Variants in BICC1 observed in about 807,000 individuals in gnomAD.
BICC1 encodes the protein protein bicaudal C homolog 1.
A neutral mutation model predicts 111.0 loss-of-function variants in BICC1; 43 were observed. The ratio of observed to expected loss-of-function variants is 0.39; its 90% CI spans 0.30 to 0.50. The LOEUF (loss-of-function observed/expected upper bound fraction) is 0.50, where lower values mean the gene tolerates loss of function less well. Ranked by LOEUF, BICC1 falls within the 20% of genes least tolerant of loss-of-function variation. The pLI is 0.88. For missense variants in BICC1, 1,091 were observed against 1,203.2 expected (o/e 0.91, Z 1.38); for synonymous variants, 467 against 434.4 (o/e 1.07, Z -0.93).
At chr10:58,699,338 G>C (rs1183228722) in intron 2 of BICC1, among the ~76,000 whole-genome samples, 1 of 152,198 alleles carries the variant, frequency 6.6e-6, no homozygotes, top group African/African-American at 2.4e-5. Flanking sequence ...GGCTTAGAGG[G>C]AGTGTGTATA....
intron 12 of BICC1, among the ~76,000 whole-genome samples, chr10:58,799,577 T>C (rs1843471609): frequency 6.6e-6 from 1 of 152,174 alleles, no homozygotes; most frequent in African/African-American, 2.4e-5. Context: ...TAGCCAGTTT[T>C]CCCAGCGCCA....
intron 1 of BICC1, among the ~76,000 whole-genome samples, chr10:58,601,140 T>TTATATATATATATATATATATATA (rs71033690): frequency 4.0e-5 from 4 of 100,668 alleles, no homozygotes; most frequent in Non-Finnish European, 7.9e-5. Context: ...ATTTTAAAAC[T>TTATATATATATATATATATATATA]TATATATATA....
chr10:58,645,406 CAAAAAAAAAAAAAAA>C (rs57417702), intron 2 of BICC1, among the ~76,000 whole-genome samples: 1 of 73,336 alleles, frequency 1.4e-5, no homozygotes, highest in Admixed American at 2.0e-4. Context: ...GACTCCATCT[CAAAAAAAAAAAAAAA>C]AAAAAAAAAA....
At chr10:58,642,264 G>T (rs1267378307) in intron 2 of BICC1, among the ~76,000 whole-genome samples, 1 of 152,146 alleles carries the variant, frequency 6.6e-6, no homozygotes, top group Non-Finnish European at 1.5e-5. Flanking sequence ...AGCTACTCAT[G>T]GTGGCTTCTT....
intron 20 of BICC1, chr10:58,823,614 G>A (rs1045937555): frequency 2.0e-6 from 2 of 985,250 alleles, no homozygotes; most frequent in Non-Finnish European, 2.4e-6. Flanking sequence ...TGGCCCAGTT[G>A]TTGTCATGTG....
At chr10:58,606,612 C>T (rs978213618) in intron 1 of BICC1, among the ~76,000 whole-genome samples, 4 of 152,076 alleles carry the variant, frequency 2.6e-5, no homozygotes, top group African/African-American at 9.7e-5. Context: ...AAGCTTTACT[C>T]TCTTGTCATA....
intron 2 of BICC1, among the ~76,000 whole-genome samples, chr10:58,633,108 T>C (rs7075992): frequency 0.99 from 151,425 of 152,254 alleles, 75,305 homozygotes; most frequent in Middle Eastern, 1. Flanking sequence ...ATGTTTCCCC[T>C]ATACTTTTCT....
intron 1 of BICC1, among the ~76,000 whole-genome samples, chr10:58,586,618 CA>C (rs5785327): frequency 0.77 from 102,924 of 133,288 alleles, 38,650 homozygotes; most frequent in East Asian, 0.88. Context: ...CACTCTCTCT[CA>C]AAAAAAAAAA....
intron 1 of BICC1, among the ~76,000 whole-genome samples, chr10:58,562,057 T>G (rs868091090): frequency 6.6e-6 from 1 of 152,140 alleles, no homozygotes; most frequent in Non-Finnish European, 1.5e-5. Context: ...CTCTCTTTGT[T>G]TTTGACTTTT....
chr10:58,786,665 T>G (rs369384257), intron 4 of BICC1, among the ~76,000 whole-genome samples: 6 of 152,324 alleles, frequency 3.9e-5, no homozygotes, highest in East Asian at 1.9e-4. Flanking sequence ...TAAAGACTTC[T>G]TTCCAAAAAA....
Position 58,644,194 on chromosome 10 carries a change from G to C in BICC1, c.237+23293G>C, listed in dbSNP as rs953964358. ...ACAACACATAGCTACTCTTTCCCAAGTACCTATAATGTTTTAAGCATCATA... is the reference window on the plus strand; with the variant it reads ...ACAACACATAGCTACTCTTTCCCAACTACCTATAATGTTTTAAGCATCATA... On this transcript the variant is annotated intron_variant, in intron 2 of 20. Transcript: ENST00000373886. Among the ~76,000 whole-genome samples the C allele has an allele frequency of 2.6e-5, 4 of 152,188 alleles. No homozygotes were observed. In the East Asian group the frequency reaches 7.7e-4, roughly 29 times the overall value.
intron 1 of BICC1, among the ~76,000 whole-genome samples, chr10:58,540,223 A>G (rs1368098091): frequency 6.6e-6 from 1 of 151,878 alleles, no homozygotes; most frequent in Non-Finnish European, 1.5e-5. Flanking sequence ...AAGGAAGAAC[A>G]AGCTAAACCC....
intron 3 of BICC1, among the ~76,000 whole-genome samples, chr10:58,718,763 T>C (rs1352424791): frequency 1.3e-5 from 2 of 149,648 alleles, no homozygotes; most frequent in African/African-American, 2.5e-5. Context: ...TGTGTGTGTG[T>C]GTGCGCGCGC....
In BICC1 at chr10:58,744,801, A is replaced by C. The variant is rs1237252960; in HGVS notation, c.308-40200A>C. ...GTTCAAGGAAAAGGATGGATACAGG[A>C]GGTCATTGTGAAGATACTGGGTAAT... On this transcript the variant is annotated intron_variant, in intron 3 of 20. Transcript: ENST00000373886. 3.3e-5 allele frequency among the ~76,000 whole-genome samples: 5 copies of C among 152,104 alleles called. No individual in the cohort carries two copies. In the East Asian group the frequency reaches 7.7e-4, roughly 23 times the overall value.
rs571274111 is a variant in BICC1 at position 58,607,054 on chromosome 10, C to T, written c.191-13801C>T. 5.3e-5 allele frequency among the ~76,000 whole-genome samples: 8 copies of T among 152,196 alleles called. No homozygotes were observed. The South Asian group carries it at 8.3e-4, about 16-fold the overall frequency. Reference sequence around the variant, plus strand: ...ACTGTCGGCCTGGCGCGGTGTCTCACGCCTGTAATTCCAGCACTTTGGGAG... The same window carrying T: ...ACTGTCGGCCTGGCGCGGTGTCTCATGCCTGTAATTCCAGCACTTTGGGAG... On this transcript the variant is annotated intron_variant, in intron 1 of 20. Transcript: ENST00000373886.
At chr10:58,514,278 T>C (rs908116490) in intron 1 of BICC1, among the ~76,000 whole-genome samples, 1 of 152,242 alleles carries the variant, frequency 6.6e-6, no homozygotes, top group Non-Finnish European at 1.5e-5. Context: ...ATGACTGTTA[T>C]TCTTAAAATA....
intron 3 of BICC1, among the ~76,000 whole-genome samples, chr10:58,783,105 C>T (rs867225735): frequency 2.0e-5 from 3 of 152,180 alleles, no homozygotes; most frequent in South Asian, 4.1e-4. Flanking sequence ...GACCTTTGAC[C>T]TTCACAGTGT....
intron 3 of BICC1, among the ~76,000 whole-genome samples, chr10:58,730,785 G>A (rs1472008289): frequency 6.6e-6 from 1 of 152,108 alleles, no homozygotes; most frequent in Non-Finnish European, 1.5e-5. Flanking sequence ...TTTTGAGTCA[G>A]GGCTGCAGCT....
intron 2 of BICC1, among the ~76,000 whole-genome samples, chr10:58,644,002 A>T (rs1480260182): frequency 2.0e-5 from 3 of 152,156 alleles, no homozygotes; most frequent in Admixed American, 6.5e-5. Flanking sequence ...TTGTGTGCTA[A>T]TATGACTTAA....
Sources: allele counts gnomAD v4.1 joint callset (sites outside exome capture counted in the v4.1 genomes callset), GRCh38; gene constraint gnomAD v4.1.1; transcripts MANE v1.5; gene names NCBI Gene and HGNC (gene_info 2026-07-23, HGNC 2026-07-21).